Variants in NSMCE2 observed in about 807,000 individuals in gnomAD.
The protein encoded by NSMCE2 is NSE2 SUMO ligase component of SMC5/6 complex.
In NSMCE2, 24 loss-of-function variants were observed where a neutral mutation model predicts 23.8. The observed-to-expected ratio is 1.01, with a 90% CI of 0.73 to 1.42. NSMCE2 has a LOEUF of 1.42. Ranked by LOEUF, NSMCE2 falls within the 40% of genes most tolerant of loss-of-function variation. The pLI is 0.00. For synonymous variants in NSMCE2, 92 were observed against 94.1 expected, an observed-to-expected ratio of 0.98 and a Z score of 0.13; for missense variants, 284 against 296.5, an observed-to-expected ratio of 0.96 and a Z score of 0.31.
intron 5 of NSMCE2, among the ~76,000 whole-genome samples, chr8:125,272,934 G>A (rs189735942): frequency 6.6e-6 from 1 of 152,034 alleles, no homozygotes; most frequent in East Asian, 1.9e-4. Flanking sequence ...ACTGACTTGG[G>A]AGCTAGGCCA....
intron 1 of NSMCE2, among the ~76,000 whole-genome samples, chr8:125,096,896 C>T (rs961012179): frequency 2.0e-5 from 3 of 152,120 alleles, no homozygotes; most frequent in Non-Finnish European, 4.4e-5. Flanking sequence ...AGGCGGGAGC[C>T]ACCACACCTG....
intron 5 of NSMCE2, among the ~76,000 whole-genome samples, chr8:125,349,626 C>T (rs1015298369): frequency 4.0e-5 from 6 of 151,778 alleles, no homozygotes; most frequent in African/African-American, 1.5e-4. Flanking sequence ...AATGTTCCAG[C>T]CTAATTGAAA....
chr8:125,242,636 A>G (rs1252751166), intron 5 of NSMCE2, among the ~76,000 whole-genome samples: 1 of 152,094 alleles, frequency 6.6e-6, no homozygotes, highest in African/African-American at 2.4e-5. Context: ...GCTCACAAAT[A>G]CCCTTCAGCT....
chr8:125,293,007 A>G (rs1184060660), intron 5 of NSMCE2, among the ~76,000 whole-genome samples: 1 of 152,172 alleles, frequency 6.6e-6, no homozygotes, highest in East Asian at 1.9e-4. Flanking sequence ...TTTTACTTAA[A>G]TCTGTCCCAG....
chr8:125,207,987 T>G (rs988306196), intron 5 of NSMCE2, among the ~76,000 whole-genome samples: 1 of 152,158 alleles, frequency 6.6e-6, no homozygotes, highest in Non-Finnish European at 1.5e-5. Context: ...ATTCTAAGGG[T>G]GGGAGAATAG....
chr8:125,339,280 G>A (rs1830160352), intron 5 of NSMCE2, among the ~76,000 whole-genome samples: 1 of 152,134 alleles, frequency 6.6e-6, no homozygotes, highest in South Asian at 2.1e-4. Flanking sequence ...TTCCTCAGGA[G>A]TCCACTGCAG....
chr8:125,244,086 G>A (rs1297941224), intron 5 of NSMCE2, among the ~76,000 whole-genome samples: 5 of 152,026 alleles, frequency 3.3e-5, no homozygotes, highest in African/African-American at 9.7e-5. Context: ...TAACAGAGTG[G>A]TGTGCCATAA....
chr8:125,290,027 C>T (rs4242367), intron 5 of NSMCE2, among the ~76,000 whole-genome samples: 79,621 of 151,908 alleles, frequency 0.52, 22,981 homozygotes, highest in Non-Finnish European at 0.64. Flanking sequence ...GATGTTCTGC[C>T]CTTGAATGGA....
chr8:125,230,684 ATTAC>A (rs1825288600), intron 5 of NSMCE2, among the ~76,000 whole-genome samples: 3 of 149,792 alleles, frequency 2.0e-5, no homozygotes, highest in South Asian at 4.3e-4. Flanking sequence ...TTTCTTTTTT[ATTAC>A]TTAATGGATA....
chr8:125,292,261 G>A (rs901847732), intron 5 of NSMCE2, among the ~76,000 whole-genome samples: 5 of 151,894 alleles, frequency 3.3e-5, no homozygotes, highest in Admixed American at 3.3e-4. Context: ...AGAAGAAGAA[G>A]CTGTGGGAGG....
chr8:125,154,772 C>T (rs2130698125), intron 4 of NSMCE2, among the ~76,000 whole-genome samples: 1 of 152,244 alleles, frequency 6.6e-6, no homozygotes, highest in Admixed American at 6.5e-5. Flanking sequence ...CACAGATACA[C>T]ACTTTTTTTT....
At chr8:125,218,504 T>C (rs886782101) in intron 5 of NSMCE2, among the ~76,000 whole-genome samples, 22 of 151,754 alleles carry the variant, frequency 1.4e-4, no homozygotes, top group Non-Finnish European at 2.5e-4. Flanking sequence ...CTCCGCATCT[T>C]GGGTTCAAGC....
intron 4 of NSMCE2, among the ~76,000 whole-genome samples, chr8:125,178,669 G>A (rs933576696): frequency 2.0e-5 from 3 of 152,250 alleles, no homozygotes; most frequent in Middle Eastern, 3.4e-3. Flanking sequence ...AGGAGATCGA[G>A]ACCATCCTGG....
intron 5 of NSMCE2, among the ~76,000 whole-genome samples, chr8:125,291,903 T>G (rs949879593): frequency 6.6e-6 from 1 of 152,118 alleles, no homozygotes; most frequent in Non-Finnish European, 1.5e-5. Flanking sequence ...TAAAGTTCAG[T>G]GCAGATAAAG....
intron 5 of NSMCE2, among the ~76,000 whole-genome samples, chr8:125,257,523 T>TC (rs1826489076): frequency 4.9e-5 from 1 of 20,340 alleles, no homozygotes; most frequent in Non-Finnish European, 7.7e-5. Flanking sequence ...CAAATTTCTC[T>TC]TTTTTTTTTT....
intron 5 of NSMCE2, chr8:125,348,659 A>T (rs1812886885): frequency 6.6e-6 from 1 of 152,138 alleles, no homozygotes; most frequent in Non-Finnish European, 1.5e-5. Flanking sequence ...TGATGGTTTT[A>T]TAAGGGGAAG....
At chr8:125,186,015 T>C (rs1823079307) in intron 5 of NSMCE2, among the ~76,000 whole-genome samples, 1 of 152,220 alleles carries the variant, frequency 6.6e-6, no homozygotes, top group Admixed American at 6.5e-5. Context: ...ACTCTAGATC[T>C]AGGCCTGGGG....
At chr8:125,176,250 G>C (rs1822485930) in intron 4 of NSMCE2, among the ~76,000 whole-genome samples, 1 of 152,134 alleles carries the variant, frequency 6.6e-6, no homozygotes, top group African/African-American at 2.4e-5. Context: ...GTCTGCTCTT[G>C]CTAGAGTCTC....
At chr8:125,114,057 A>C (rs1563657973) in intron 3 of NSMCE2, among the ~76,000 whole-genome samples, 1 of 152,222 alleles carries the variant, frequency 6.6e-6, no homozygotes, top group Non-Finnish European at 1.5e-5. Flanking sequence ...ACCTATAAGC[A>C]CATGATCTTC....
Sources: allele counts gnomAD v4.1 joint callset (sites outside exome capture counted in the v4.1 genomes callset), GRCh38; gene constraint gnomAD v4.1.1; transcripts MANE v1.5; gene names NCBI Gene and HGNC (gene_info 2026-07-23, HGNC 2026-07-21).